Variants in FOXO1 observed in about 807,000 individuals in gnomAD.
The protein encoded by FOXO1 is forkhead box protein O1.
A neutral mutation model predicts 44.1 loss-of-function variants in FOXO1; 6 were observed. The observed-to-expected ratio is 0.14, with a 90% CI of 0.07 to 0.27. The LOEUF (loss-of-function observed/expected upper bound fraction) is 0.27. FOXO1 is among the 10% of genes least tolerant of loss of function. The pLI is 1.00. For synonymous variants in FOXO1, 380 were observed against 362.7 expected, an observed-to-expected ratio of 1.05 and a Z score of -0.54; for missense variants, 737 against 888.8, an observed-to-expected ratio of 0.83 and a Z score of 2.17.
chr13:40,578,798 CAA>C (rs1251803348), intron 1 of FOXO1, among the ~76,000 whole-genome samples: 1 of 152,188 alleles, frequency 6.6e-6, no homozygotes, highest in African/African-American at 2.4e-5. Context: ...CAACACAAAA[CAA>C]ACAAGAGCAA....
chr13:40,595,324 T>C (rs1277499020), intron 1 of FOXO1, among the ~76,000 whole-genome samples: 1 of 152,158 alleles, frequency 6.6e-6, no homozygotes, highest in East Asian at 1.9e-4. Flanking sequence ...CTGAGTACCA[T>C]AAAAATCAGT....
chr13:40,666,033 C>T lies in FOXO1; in HGVS notation c.180G>A (p.Ser60=). The change falls in exon 1 of 3, where the codon TCG becomes TCA. Residue 60 remains serine, a synonymous_variant. Transcript: ENST00000379561. ...CGGCGCTGACAGCGGCAGCCGAGGC[C>T]GAGGGCAGGCCCGCCGCGGCGTCGG... is the stretch of plus-strand genomic sequence containing the variant. ...ANPDAAAGLP[S]ASAAAVSADF... 1 of 1,287,324 alleles carries T rather than the reference C, an allele frequency of 7.8e-7. No homozygotes were observed. 79.7% of individuals were successfully genotyped at this position (1,287,324 alleles called of 1,614,324 possible).
intron 1 of FOXO1, among the ~76,000 whole-genome samples, chr13:40,628,602 A>G (rs969928966): frequency 6.6e-6 from 1 of 152,108 alleles, no homozygotes; most frequent in Non-Finnish European, 1.5e-5. Flanking sequence ...GACTCATACG[A>G]TCTAGACCCA....
intron 1 of FOXO1, among the ~76,000 whole-genome samples, chr13:40,639,220 G>A (rs1178009794): frequency 3.3e-5 from 5 of 151,800 alleles, no homozygotes; most frequent in African/African-American, 1.2e-4. Flanking sequence ...AACAACAACA[G>A]TTACTAAGAC....
At chr13:40,644,887 C>A (rs929637511) in intron 1 of FOXO1, among the ~76,000 whole-genome samples, 1 of 152,164 alleles carries the variant, frequency 6.6e-6, no homozygotes, top group Non-Finnish European at 1.5e-5. Context: ...GTGAAGGCAG[C>A]CAACACTACT....
At chr13:40,602,569 C>T (rs1481053801) in intron 1 of FOXO1, among the ~76,000 whole-genome samples, 1 of 152,138 alleles carries the variant, frequency 6.6e-6, no homozygotes, top group Non-Finnish European at 1.5e-5. Flanking sequence ...TTATTTCAAA[C>T]ATGAAGGGGG....
Position 40,555,822 on chromosome 13 carries a change from GTGTC to G in FOXO1, c.*3223_*3226del, listed in dbSNP as rs1203143957. 4 of 152,672 alleles carry G rather than the reference GTGTC, an allele frequency of 2.6e-5. No individual in the cohort carries two copies. Among genetic ancestry groups the G allele is most frequent in the African/African-American group, 9.6e-5 (4 of 41,454 alleles). 9.5% of individuals were successfully genotyped at this position (152,672 alleles called of 1,614,324 possible). On this transcript the variant is annotated 3_prime_UTR_variant, in exon 3 of 3. Coordinates refer to ENST00000379561, the MANE Select transcript of FOXO1 (RefSeq NM_002015.4). ...TACAATTATAGCAAAGATTGTTCTT[GTGTC>G]TGTAAGTACATCAACATCAGGCACT...
At chr13:40,568,956 C>T (rs1276869590) in intron 1 of FOXO1, among the ~76,000 whole-genome samples, 1 of 151,886 alleles carries the variant, frequency 6.6e-6, no homozygotes, top group Non-Finnish European at 1.5e-5. Context: ...AATAGAACCA[C>T]ATGGAGCTTT....
intron 1 of FOXO1, among the ~76,000 whole-genome samples, chr13:40,615,486 C>T (rs547157018): frequency 4.6e-5 from 7 of 152,044 alleles, no homozygotes; most frequent in African/African-American, 7.2e-5. Flanking sequence ...GAGCCAAGAT[C>T]GCACCACTGC....
chr13:40,650,769 T>G (rs896372058), intron 1 of FOXO1, among the ~76,000 whole-genome samples: 7 of 152,226 alleles, frequency 4.6e-5, no homozygotes, highest in South Asian at 4.1e-4. Flanking sequence ...TGTTGTTGTT[T>G]TTTGAGATGG....
At chr13:40,601,372 G>A (rs1361348707) in intron 1 of FOXO1, among the ~76,000 whole-genome samples, 2 of 152,154 alleles carry the variant, frequency 1.3e-5, no homozygotes, top group Admixed American at 1.3e-4. Flanking sequence ...TCAAAAACAA[G>A]CTGGCAAGCT....
chr13:40,572,366 A>C (rs1874563002), intron 1 of FOXO1, among the ~76,000 whole-genome samples: 1 of 151,450 alleles, frequency 6.6e-6, no homozygotes, highest in Non-Finnish European at 1.5e-5. Context: ...GTTTACTAAG[A>C]ATTCTTAGTA....
intron 1 of FOXO1, chr13:40,562,800 T>C (rs931441891): frequency 1.7e-4 from 26 of 152,326 alleles, no homozygotes; most frequent in African/African-American, 6.3e-4. Flanking sequence ...TCACCTCCTC[T>C]ACAACACAGA....
intron 1 of FOXO1, among the ~76,000 whole-genome samples, chr13:40,588,340 C>A (rs139280704): frequency 2.0e-5 from 3 of 152,134 alleles, no homozygotes; most frequent in Non-Finnish European, 4.4e-5. Flanking sequence ...CACCTGAATC[C>A]GAACAGGCCA....
chr13:40,663,959 G>C (rs1242780819), intron 1 of FOXO1, among the ~76,000 whole-genome samples: 1 of 152,196 alleles, frequency 6.6e-6, no homozygotes, highest in African/African-American at 2.4e-5. Context: ...TATGAGAGGC[G>C]AAGAAAGGTA....
Position 40,665,854 on chromosome 13 carries a change from G to C in FOXO1, c.359C>G (p.Pro120Arg), listed in dbSNP as rs1878221721. The C allele has an allele frequency of 2.7e-6, 3 of 1,130,976 alleles. No homozygotes were observed. The highest frequency in any genetic ancestry group is 7.3e-4 in the Middle Eastern group (2 of 2,744). The allele number at this position is 1,130,976 out of a possible 1,614,324, so 70.1% of individuals were successfully genotyped here. A position where few individuals can be genotyped will look rare whatever the true frequency, so the allele number is the denominator to read the frequency against. The change falls in exon 1 of 3, where the codon CCA becomes CGA. Residue 120 changes from proline (P) to arginine (R), a missense_variant. Pro to Arg is a moderately radical substitution (Grantham distance 103, BLOSUM62 -2). This residue lies in a region of FOXO1 where 213 missense variants were observed against 236.4 expected (regional missense o/e 0.90). Transcript: ENST00000379561. Reference sequence around the variant, plus strand: ...GGGCGGCGGGGGCTGCGGTGGCGCTGGGTGCAGGCAGCCCGCCTCCGGGCC... The same window carrying C: ...GGGCGGCGGGGGCTGCGGTGGCGCTCGGTGCAGGCAGCCCGCCTCCGGGCC... ...FQGPEAGCLH[P>R]APPQPPPPGP...
chr13:40,636,166 G>C (rs1054074858), intron 1 of FOXO1, among the ~76,000 whole-genome samples: 1 of 151,820 alleles, frequency 6.6e-6, no homozygotes, highest in Non-Finnish European at 1.5e-5. Context: ...AGTGAACTCA[G>C]ATCTCACCAC....
intron 1 of FOXO1, among the ~76,000 whole-genome samples, chr13:40,664,600 A>T (rs1477494214): frequency 1.3e-5 from 2 of 151,960 alleles, no homozygotes; most frequent in East Asian, 3.9e-4. Context: ...CATGCTCAAG[A>T]ATAGGGTGGC....
Position 40,664,210 on chromosome 13 carries a change from T to C in FOXO1, c.630+1373A>G, listed in dbSNP as rs187946370. On this transcript the variant is annotated intron_variant, in intron 1 of 2. Transcript: ENST00000379561. ...ATCGCTTGAACCAGAGAGTCGGAGG[T>C]TGCAGTGAGCCGAGATCGCGCCACG... 5.8e-3 allele frequency among the ~76,000 whole-genome samples: 885 copies of C among 151,788 alleles called. 8 individuals are homozygous for C. The highest frequency in any genetic ancestry group is 0.021 in the African/African-American group (853 of 41,326).
Sources: allele counts gnomAD v4.1 joint callset (sites outside exome capture counted in the v4.1 genomes callset), GRCh38; gene constraint gnomAD v4.1.1; regional missense constraint gnomAD v4.1.1; transcripts MANE v1.5; gene names NCBI Gene and HGNC (gene_info 2026-07-23, HGNC 2026-07-21).